The following SLC25A48 variants were observed in gnomAD, a reference collection of about 807,000 sequenced individuals.
SLC25A48 encodes solute carrier family 25 member 48.
In SLC25A48, 29 loss-of-function variants were observed where a neutral mutation model predicts 32.2. That is an observed-to-expected ratio of 0.90 (90% CI 0.67 to 1.23). SLC25A48 has a LOEUF of 1.23. Ranked by LOEUF, SLC25A48 falls within the 50% of genes most tolerant of loss-of-function variation. SLC25A48 has a pLI of 0.00. For missense variants in SLC25A48, 399 were observed against 422.7 expected, an observed-to-expected ratio of 0.94 and a Z score of 0.49; for synonymous variants, 164 against 172.3, an observed-to-expected ratio of 0.95 and a Z score of 0.38.
At chr5:135,805,205 A>G (rs1351518852) in intron 3 of SLC25A48, among the ~76,000 whole-genome samples, 1 of 150,966 alleles carries the variant, frequency 6.6e-6, no homozygotes, top group African/African-American at 2.4e-5. Flanking sequence ...ATTAATCCTA[A>G]CATCACAGTC....
Position 135,783,399 on chromosome 5 carries a change from T to A in SLC25A48, c.-520-29124T>A, listed in dbSNP as rs1448615749. Among the ~76,000 whole-genome samples the A allele has an allele frequency of 9.5e-5, 10 of 105,086 alleles. 1 individual carries two copies. Among genetic ancestry groups the A allele is most frequent in the African/African-American group, 2.9e-4 (10 of 34,148 alleles). 68.9% of individuals were successfully genotyped at this position (105,086 alleles called of 152,430 possible). A position where few individuals can be genotyped will look rare whatever the true frequency, so the allele number is the denominator to read the frequency against. On this transcript the variant is annotated intron_variant, in intron 3 of 10. Transcript: ENST00000646290. ...ATATTACTTTCAGTATCACATGGGG[T>A]GTACACCATCCCCCTGTGTGATTGT... is the stretch of plus-strand genomic sequence containing the variant.
At chr5:135,796,400 A>G (rs900824796) in intron 3 of SLC25A48, among the ~76,000 whole-genome samples, 1 of 149,988 alleles carries the variant, frequency 6.7e-6, no homozygotes, top group Non-Finnish European at 1.5e-5. Context: ...CGCAGGAGGC[A>G]TACAGCCCCC....
Position 135,619,735 on chromosome 5 carries a change from T to C in SLC25A48, c.-848-9502T>C, listed in dbSNP as rs1311260090. On this transcript the variant is annotated intron_variant, in intron 1 of 10. Transcript: ENST00000646290. ...ATTCTGGGTGTGTTCAATACTGTAG[T>C]CTGTATGTGATTTATTAGCTGTAAA... Among the ~76,000 whole-genome samples the C allele has an allele frequency of 2.0e-5, 3 of 152,210 alleles. No individual in the cohort carries two copies. In the East Asian group the frequency reaches 5.8e-4, roughly 29 times the overall value.
chr5:135,852,963 A>G (rs1242644468), intron 4 of SLC25A48, 142 bp downstream of exon 4: 1 of 1,151,928 alleles, frequency 8.7e-7, no homozygotes, highest in Non-Finnish European at 1.2e-6. Context: ...TTACAGGCAT[A>G]CCTCGGAGAC....
intron 1 of SLC25A48, among the ~76,000 whole-genome samples, chr5:135,603,959 G>A (rs1014282118): frequency 1.6e-4 from 25 of 152,202 alleles, no homozygotes; most frequent in African/African-American, 5.1e-4. Context: ...AGTGAAATGA[G>A]TACAGGGGAA....
Position 135,747,404 on chromosome 5 carries a change from T to C in SLC25A48, c.-520-65119T>C, listed in dbSNP as rs534971936. ...TTATTATTATGCTTTCTGGTCAATTTTTCCCCCCAAGTGTGGTCAGTGAAG... is the reference window on the plus strand; with the variant it reads ...TTATTATTATGCTTTCTGGTCAATTCTTCCCCCCAAGTGTGGTCAGTGAAG... On this transcript the variant is annotated intron_variant, in intron 3 of 10. Transcript: ENST00000646290. Among the ~76,000 whole-genome samples, 5 of 152,182 alleles carry C rather than the reference T, an allele frequency of 3.3e-5. No homozygotes were observed. In the South Asian group the frequency reaches 6.2e-4, roughly 19 times the overall value.
intron 1 of SLC25A48, among the ~76,000 whole-genome samples, chr5:135,583,456 C>A (rs2097370237): frequency 6.6e-6 from 1 of 151,996 alleles, no homozygotes; most frequent in African/African-American, 2.4e-5. Context: ...TCTTTTAGTT[C>A]TTTTCGTGAC....
chr5:135,712,947 C>G (rs1349574803), intron 3 of SLC25A48, among the ~76,000 whole-genome samples: 2 of 152,214 alleles, frequency 1.3e-5, no homozygotes, highest in Non-Finnish European at 2.9e-5. Context: ...AGAACTTGCC[C>G]AGTCTCAGGC....
At chr5:135,788,692 G>A (rs1018081770) in intron 3 of SLC25A48, among the ~76,000 whole-genome samples, 6 of 150,074 alleles carry the variant, frequency 4.0e-5, no homozygotes, top group Non-Finnish European at 8.9e-5. Context: ...TAATATCCAG[G>A]GGGGGAAGAG....
chr5:135,850,932 C>G (rs978767089), intron 3 of SLC25A48, among the ~76,000 whole-genome samples: 4 of 152,128 alleles, frequency 2.6e-5, no homozygotes, highest in African/African-American at 9.7e-5. Context: ...TTAGACCATG[C>G]GACCTGAGGT....
Position 135,680,015 on chromosome 5 carries a change from T to G in SLC25A48, c.-521+45059T>G, listed in dbSNP as rs377143196. 3.3e-5 allele frequency among the ~76,000 whole-genome samples: 5 copies of G among 152,222 alleles called. 1 individual carries two copies. The highest frequency in any genetic ancestry group is 1.2e-4 in the African/African-American group (5 of 41,538). Reference sequence around the variant, plus strand: ...CGTGGACCTCTGGGAGCCACTCACTTACCCTTTTTTGCACTGGGTTGCCTC... The same window carrying G: ...CGTGGACCTCTGGGAGCCACTCACTGACCCTTTTTTGCACTGGGTTGCCTC... On this transcript the variant is annotated intron_variant, in intron 3 of 10. Transcript: ENST00000646290.
chr5:135,642,515 G>T (rs1045558913), intron 3 of SLC25A48, among the ~76,000 whole-genome samples: 1 of 152,228 alleles, frequency 6.6e-6, no homozygotes, highest in South Asian at 2.1e-4. Flanking sequence ...CCAAAGAGCC[G>T]GGTGGAAATA....
At chr5:135,662,460 C>T (rs1308058941) in intron 3 of SLC25A48, among the ~76,000 whole-genome samples, 4 of 152,246 alleles carry the variant, frequency 2.6e-5, no homozygotes, top group African/African-American at 7.2e-5. Flanking sequence ...AACTGTTAGT[C>T]GTCATTCTGT....
chr5:135,616,576 C>T lies in SLC25A48; in HGVS notation c.-848-12661C>T, dbSNP rs541239319. Reference sequence around the variant, plus strand: ...GAGCACTTACCCAATGCTTGTACCACCATTGTATCTTGGAAGTAACTAACT... The same window carrying T: ...GAGCACTTACCCAATGCTTGTACCATCATTGTATCTTGGAAGTAACTAACT... On this transcript the variant is annotated intron_variant, in intron 1 of 10. Coordinates refer to the SLC25A48 transcript ENST00000646290. Among the ~76,000 whole-genome samples, 4 of 152,314 alleles carry T rather than the reference C, an allele frequency of 2.6e-5. No homozygotes were observed. The South Asian group carries it at 6.2e-4, about 24-fold the overall frequency.
intron 3 of SLC25A48, among the ~76,000 whole-genome samples, chr5:135,638,481 G>A (rs924129966): frequency 1.3e-5 from 2 of 152,198 alleles, no homozygotes; most frequent in African/African-American, 4.8e-5. Flanking sequence ...CCAGAACACA[G>A]TTTGAGTAAC....
intron 3 of SLC25A48, among the ~76,000 whole-genome samples, chr5:135,730,033 G>C (rs758158912): frequency 6.6e-6 from 1 of 152,176 alleles, no homozygotes. Flanking sequence ...AAACTGACAG[G>C]TGTAAGGTAT....
chr5:135,850,546 G>T (rs370415761), intron 3 of SLC25A48, 50 bp downstream of exon 3: 2 of 1,588,522 alleles, frequency 1.3e-6, no homozygotes, highest in Non-Finnish European at 8.6e-7. Context: ...GCCCCCACAG[G>T]CTGGGGACCA....
chr5:135,615,472 G>T (rs1291385482), intron 1 of SLC25A48, among the ~76,000 whole-genome samples: 1 of 152,186 alleles, frequency 6.6e-6, no homozygotes, highest in East Asian at 1.9e-4. Context: ...TGATGATTTA[G>T]GGTGTCTGGT....
chr5:135,848,929 G>C (rs542583065), intron 2 of SLC25A48, among the ~76,000 whole-genome samples: 2 of 152,206 alleles, frequency 1.3e-5, no homozygotes, highest in African/African-American at 4.8e-5. Flanking sequence ...AGAGGAGTAG[G>C]GTGAGAGCGA....
Sources: allele counts gnomAD v4.1 joint callset (sites outside exome capture counted in the v4.1 genomes callset), GRCh38; gene constraint gnomAD v4.1.1; transcripts MANE v1.5; gene names NCBI Gene and HGNC (gene_info 2026-07-23, HGNC 2026-07-21).